NXPH2: variants seen among roughly 807,000 people sequenced by gnomAD.
NXPH2 encodes the protein neurexophilin-2.
NXPH2 carries 5 observed loss-of-function variants against 19.8 expected under a neutral mutation model. That is an observed-to-expected ratio of 0.25 (90% CI 0.13 to 0.53). The LOEUF (loss-of-function observed/expected upper bound fraction) is 0.53, where lower values mean the gene tolerates loss of function less well. Ranked by LOEUF, NXPH2 falls within the 20% of genes least tolerant of loss-of-function variation. NXPH2 has a pLI of 0.96. For synonymous variants in NXPH2, 154 were observed against 127.4 expected, an observed-to-expected ratio of 1.21 and a Z score of -1.41; for missense variants, 289 against 322.8, an observed-to-expected ratio of 0.90 and a Z score of 0.80.
intron 1 of NXPH2, among the ~76,000 whole-genome samples, chr2:138,692,504 C>T (rs1393968605): frequency 6.6e-6 from 1 of 152,092 alleles, no homozygotes; most frequent in East Asian, 1.9e-4. Context: ...TCACCAGGTA[C>T]CTTTTTGCCA....
Position 138,670,989 on chromosome 2 carries a change from T to A in NXPH2, c.728A>T (p.Lys243Ile). The change falls in exon 2 of 2, where the codon AAA becomes ATA. Residue 243 changes from lysine (K) to isoleucine (I), a missense_variant. By Grantham distance (102) the Lys-to-Ile change is moderately radical. Coordinates refer to ENST00000272641, the MANE Select transcript of NXPH2 (RefSeq NM_007226.3). ...IYIAFYSVDY[K>I]LVQKVCPDYN... ...GTCAGGGCACACCTTTTGCACGAGT[T>A]TATAATCAACACTGTAAAAGGCAAT... 6.2e-7 allele frequency: 1 copy of A among 1,613,924 alleles called. No homozygotes were observed. Among genetic ancestry groups the A allele is most frequent in the Non-Finnish European group, 8.5e-7 (1 of 1,179,840 alleles).
chr2:138,705,212 T>C (rs1680991114), intron 1 of NXPH2, among the ~76,000 whole-genome samples: 1 of 151,980 alleles, frequency 6.6e-6, no homozygotes, highest in Non-Finnish European at 1.5e-5. Context: ...AATCTTCCCA[T>C]CATGGCCTCT....
intron 1 of NXPH2, among the ~76,000 whole-genome samples, chr2:138,757,009 TAGTATGTCTTTA>T (rs1468733176): frequency 3.9e-5 from 6 of 152,176 alleles, no homozygotes; most frequent in African/African-American, 1.2e-4. Flanking sequence ...CAATCTGAAG[TAGTATGTCTTTA>T]ATAAAAAAGA....
At chr2:138,726,519 AAC>A (rs57428467) in intron 1 of NXPH2, among the ~76,000 whole-genome samples, 4,963 of 146,490 alleles carry the variant, frequency 0.034, 162 homozygotes, top group African/African-American at 0.091. Flanking sequence ...TAAAAAAAGA[AAC>A]ACACACACAC....
At chr2:138,741,060 G>A (rs1681634572) in intron 1 of NXPH2, among the ~76,000 whole-genome samples, 1 of 152,008 alleles carries the variant, frequency 6.6e-6, no homozygotes, top group Admixed American at 6.6e-5. Flanking sequence ...AGTAATAGGT[G>A]CTATATAAAC....
intron 1 of NXPH2, among the ~76,000 whole-genome samples, chr2:138,746,122 C>T (rs1373127281): frequency 6.6e-6 from 1 of 152,192 alleles, no homozygotes; most frequent in East Asian, 1.9e-4. Flanking sequence ...TGAGCCCATT[C>T]TAAGAAGGTG....
intron 1 of NXPH2, among the ~76,000 whole-genome samples, chr2:138,722,437 C>T (rs1681296292): frequency 6.6e-6 from 1 of 152,162 alleles, no homozygotes; most frequent in Admixed American, 6.5e-5. Flanking sequence ...GGCAGGGCAG[C>T]GTGAAGACTC....
intron 1 of NXPH2, among the ~76,000 whole-genome samples, chr2:138,724,282 T>C (rs1286033619): frequency 6.6e-6 from 1 of 152,244 alleles, no homozygotes; most frequent in Non-Finnish European, 1.5e-5. Flanking sequence ...CAGGAACAGT[T>C]GTAGGCAGAA....
rs146633903 is a variant in NXPH2, at chr2:138,772,911, C to T, written c.51+7280G>A. Among the ~76,000 whole-genome samples, 1,133 of 152,290 alleles carry T rather than the reference C, an allele frequency of 7.4e-3. 12 individuals carry two copies. The highest frequency in any genetic ancestry group is 0.025 in the African/African-American group (1,034 of 41,548). On this transcript the variant is annotated intron_variant, in intron 1 of 1. Coordinates refer to ENST00000272641, the MANE Select transcript of NXPH2 (RefSeq NM_007226.3). ...TGTTGCTTCACCTGTAAAATGGATG[C>T]AATAACTATCATTCTACTTACTTTT...
chr2:138,686,220 C>A (rs1680648102), intron 1 of NXPH2, among the ~76,000 whole-genome samples: 1 of 152,168 alleles, frequency 6.6e-6, no homozygotes, highest in East Asian at 1.9e-4. Flanking sequence ...AAAATCAAAG[C>A]CTTTTCTACT....
At chr2:138,742,618 C>T (rs150369350) in intron 1 of NXPH2, among the ~76,000 whole-genome samples, 1 of 152,242 alleles carries the variant, frequency 6.6e-6, no homozygotes, top group Non-Finnish European at 1.5e-5. Flanking sequence ...TACAGGACAC[C>T]AGCAGGGCAA....
In NXPH2 at chr2:138,670,298, T is replaced by G. The variant is rs1172922360; in HGVS notation, c.*624A>C. ...GAATGGTGACCAACACAGGGCTAAG[T>G]GCTCAAATCACATTCCACGCAACTG... is the stretch of plus-strand genomic sequence containing the variant. On this transcript the variant is annotated 3_prime_UTR_variant, in exon 2 of 2. Coordinates refer to ENST00000272641, the MANE Select transcript of NXPH2 (RefSeq NM_007226.3). Among the ~76,000 whole-genome samples the G allele has an allele frequency of 5.3e-5, 8 of 152,200 alleles. No individual in the cohort carries two copies. Among genetic ancestry groups the G allele is most frequent in the African/African-American group, 1.9e-4 (8 of 41,462 alleles).
chr2:138,729,486 G>T (rs553463510), intron 1 of NXPH2, among the ~76,000 whole-genome samples: 1 of 152,130 alleles, frequency 6.6e-6, no homozygotes, highest in African/African-American at 2.4e-5. Context: ...CCAGTCTTGG[G>T]TATGTCCTTA....
chr2:138,716,103 T>G (rs2104990818), intron 1 of NXPH2, among the ~76,000 whole-genome samples: 1 of 152,316 alleles, frequency 6.6e-6, no homozygotes, highest in South Asian at 2.1e-4. Flanking sequence ...TGTTTCTGGT[T>G]TTAGTTTTTC....
intron 1 of NXPH2, among the ~76,000 whole-genome samples, chr2:138,719,742 T>A (rs13397519): frequency 0.032 from 4,871 of 152,190 alleles, 269 homozygotes; most frequent in African/African-American, 0.11. Context: ...TGTTTAAATA[T>A]ATTATTAAAA....
chr2:138,731,279 T>C (rs748644123), intron 1 of NXPH2, among the ~76,000 whole-genome samples: 2 of 152,148 alleles, frequency 1.3e-5, no homozygotes, highest in Non-Finnish European at 2.9e-5. Context: ...ATTGCTGTGT[T>C]CTTGTTAGAA....
chr2:138,687,754 T>C (rs1319481432), intron 1 of NXPH2, among the ~76,000 whole-genome samples: 2 of 152,244 alleles, frequency 1.3e-5, no homozygotes, highest in Non-Finnish European at 2.9e-5. Flanking sequence ...GCTTTCTACA[T>C]ATGGCTAGCC....
At chr2:138,756,121 TA>T (rs1320070297) in intron 1 of NXPH2, among the ~76,000 whole-genome samples, 2 of 152,054 alleles carry the variant, frequency 1.3e-5, no homozygotes, top group African/African-American at 4.8e-5. Flanking sequence ...TAATATTTAT[TA>T]ATTAAATGAA....
intron 1 of NXPH2, among the ~76,000 whole-genome samples, chr2:138,688,330 C>A (rs187518446): frequency 6.6e-6 from 1 of 152,114 alleles, no homozygotes. Flanking sequence ...ATTACAGGCA[C>A]GTGCCACCAC....
Sources: allele counts gnomAD v4.1 joint callset (sites outside exome capture counted in the v4.1 genomes callset), GRCh38; gene constraint gnomAD v4.1.1; transcripts MANE v1.5; gene names NCBI Gene and HGNC (gene_info 2026-07-23, HGNC 2026-07-21).